Variants in MDFIC2 observed in about 807,000 individuals in gnomAD.
MDFIC2 encodes the protein myoD family inhibitor domain-containing protein 2.
At position 70,299,156 on chromosome 3, in the gene MDFIC2, C is replaced by T. The variant is rs372103315; in HGVS notation, c.88+12730G>A. On this transcript the variant is annotated intron_variant, in intron 2 of 3. Coordinates refer to ENST00000567252, the MANE Select transcript of MDFIC2 (RefSeq NM_001364677.1). ...ATATCCAAACATAGGTAATTGGTTA[C>T]ATATATTTTGTTACTTCATAGAATA... is the stretch of plus-strand genomic sequence containing the variant. 1.4e-3 allele frequency among the ~76,000 whole-genome samples: 220 copies of T among 152,184 alleles called. 2 individuals are homozygous for T. Among genetic ancestry groups the T allele is most frequent in the African/African-American group, 5.2e-3 (214 of 41,542 alleles).
chr3:70,290,857 A>G (rs1482007371), intron 2 of MDFIC2, among the ~76,000 whole-genome samples: 2 of 152,156 alleles, frequency 1.3e-5, no homozygotes, highest in African/African-American at 4.8e-5. Context: ...TTTGACTAGG[A>G]AAGGGAACTC....
At chr3:70,270,178 T>C (rs1314138842) in intron 2 of MDFIC2, among the ~76,000 whole-genome samples, 1 of 152,182 alleles carries the variant, frequency 6.6e-6, no homozygotes, top group Non-Finnish European at 1.5e-5. Context: ...ACAAGTAGAA[T>C]AGACTAACAA....
intron 2 of MDFIC2, among the ~76,000 whole-genome samples, chr3:70,250,860 G>C (rs979159392): frequency 1.3e-5 from 2 of 152,124 alleles, no homozygotes; most frequent in African/African-American, 4.8e-5. Context: ...TGGGCAGACT[G>C]TCAAATAGTA....
intron 2 of MDFIC2, among the ~76,000 whole-genome samples, chr3:70,268,789 C>A (rs980449617): frequency 6.6e-6 from 1 of 152,114 alleles, no homozygotes; most frequent in Non-Finnish European, 1.5e-5. Flanking sequence ...TTATTTGCAT[C>A]ATAAATATTT....
intron 2 of MDFIC2, among the ~76,000 whole-genome samples, chr3:70,252,479 G>A (rs1701778847): frequency 6.6e-6 from 1 of 152,212 alleles, no homozygotes; most frequent in South Asian, 2.1e-4. Flanking sequence ...CAATTAAGAT[G>A]GGTCAGAGAG....
At chr3:70,249,676 A>C (rs1300897209) in intron 2 of MDFIC2, 1 of 152,148 alleles carries the variant, frequency 6.6e-6, no homozygotes, top group Non-Finnish European at 1.5e-5. Context: ...GCACAGTGAG[A>C]GTCATCCTTC....
intron 2 of MDFIC2, among the ~76,000 whole-genome samples, chr3:70,264,165 A>G (rs1701893376): frequency 1.3e-5 from 2 of 152,258 alleles, no homozygotes; most frequent in South Asian, 4.1e-4. Flanking sequence ...TTTTGCATTT[A>G]TTCATTTTAA....
intron 2 of MDFIC2, among the ~76,000 whole-genome samples, chr3:70,247,035 C>T (rs558845636): frequency 3.9e-5 from 6 of 151,990 alleles, no homozygotes; most frequent in African/African-American, 9.6e-5. Flanking sequence ...ATGACTACCA[C>T]GAAGGATAGT....
At chr3:70,285,756 G>A (rs1702155438) in intron 2 of MDFIC2, among the ~76,000 whole-genome samples, 1 of 151,908 alleles carries the variant, frequency 6.6e-6, no homozygotes, top group Non-Finnish European at 1.5e-5. Flanking sequence ...CATTCTAACT[G>A]GTGTGAGATG....
chr3:70,201,824 A>G (rs1701242808), intron 3 of MDFIC2, among the ~76,000 whole-genome samples: 1 of 152,168 alleles, frequency 6.6e-6, no homozygotes, highest in Admixed American at 6.5e-5. Flanking sequence ...CAAGACTGGC[A>G]AAGATCATTT....
intron 2 of MDFIC2, among the ~76,000 whole-genome samples, chr3:70,302,060 A>G (rs1702354323): frequency 6.6e-6 from 1 of 152,110 alleles, no homozygotes; most frequent in South Asian, 2.1e-4. Flanking sequence ...GTCTTATTTA[A>G]TACTATACTT....
chr3:70,223,235 C>T (rs754764927), intron 2 of MDFIC2, among the ~76,000 whole-genome samples: 3 of 152,054 alleles, frequency 2.0e-5, no homozygotes, highest in Non-Finnish European at 4.4e-5. Flanking sequence ...TATTTGTGAG[C>T]CACAAAGCAA....
At chr3:70,207,095 A>G (rs2106724915) in intron 2 of MDFIC2, among the ~76,000 whole-genome samples, 1 of 151,818 alleles carries the variant, frequency 6.6e-6, no homozygotes, top group Admixed American at 6.6e-5. Flanking sequence ...TTGGATCAAC[A>G]AAATCTCATA....
chr3:70,237,075 CG>C (rs5849943), intron 2 of MDFIC2, among the ~76,000 whole-genome samples: 80,570 of 151,966 alleles, frequency 0.53, 21,712 homozygotes, highest in East Asian at 0.81. Flanking sequence ...TATTTGGTTC[CG>C]TATTATCAGT....
chr3:70,300,304 G>T (rs959546019), intron 2 of MDFIC2, among the ~76,000 whole-genome samples: 16 of 152,030 alleles, frequency 1.1e-4, no homozygotes, highest in Non-Finnish European at 2.2e-4. Flanking sequence ...TTGATTTATA[G>T]ATAAACTTTC....
chr3:70,196,645 A>G lies in MDFIC2; in HGVS notation c.*281T>C, dbSNP rs964941135. Among the ~76,000 whole-genome samples the G allele has an allele frequency of 2.6e-5, 4 of 152,230 alleles. No homozygotes were observed. Among genetic ancestry groups the G allele is most frequent in the Non-Finnish European group, 5.9e-5 (4 of 68,036 alleles). On this transcript the variant is annotated 3_prime_UTR_variant, in exon 4 of 4. Coordinates refer to ENST00000567252, the MANE Select transcript of MDFIC2 (RefSeq NM_001364677.1). The stretch of plus-strand genomic sequence containing the variant: ...GGCTTAACATGCTATTTTATAGTCA[A>G]GAAACATCTTGTACCTACAGCATTT...
intron 2 of MDFIC2, among the ~76,000 whole-genome samples, chr3:70,244,399 G>A (rs1701687346): frequency 1.3e-5 from 2 of 152,148 alleles, no homozygotes; most frequent in Non-Finnish European, 2.9e-5. Context: ...CCTGTCAAAA[G>A]GGCATTCTAT....
At chr3:70,224,935 G>A (rs1701489816) in intron 2 of MDFIC2, among the ~76,000 whole-genome samples, 1 of 152,142 alleles carries the variant, frequency 6.6e-6, no homozygotes, top group South Asian at 2.1e-4. Context: ...TGGTGAAACA[G>A]ATTCATTAGT....
At chr3:70,237,301 C>G (rs571884812) in intron 2 of MDFIC2, among the ~76,000 whole-genome samples, 1 of 152,194 alleles carries the variant, frequency 6.6e-6, no homozygotes, top group Non-Finnish European at 1.5e-5. Context: ...ACAATATAGA[C>G]AGACCTCTAT....
Sources: allele counts gnomAD v4.1 joint callset (sites outside exome capture counted in the v4.1 genomes callset), GRCh38; gene constraint gnomAD v4.1.1; transcripts MANE v1.5; gene names NCBI Gene and HGNC (gene_info 2026-07-23, HGNC 2026-07-21).